ITFG2: variants seen among roughly 807,000 people sequenced by gnomAD.
The protein encoded by ITFG2 is KICSTOR complex protein ITFG2.
Under a neutral mutation model 54.4 loss-of-function variants are expected in ITFG2, and 36 were observed. The observed-to-expected ratio is 0.66, with a 90% confidence interval of 0.51 to 0.87. The LOEUF (loss-of-function observed/expected upper bound fraction) is 0.87. ITFG2 is among the 40% of genes least tolerant of loss of function. The pLI is 0.00. For missense variants in ITFG2, 524 were observed against 576.7 expected, an observed-to-expected ratio of 0.91 and a Z score of 0.94; for synonymous variants, 211 against 225.4, an observed-to-expected ratio of 0.94 and a Z score of 0.57.
downstream of ITFG2, chr12:2,825,163 G>A (rs1164735823): frequency 6.6e-6 from 1 of 152,160 alleles, no homozygotes; most frequent in East Asian, 1.9e-4. Context: ...TTCCTGCTGT[G>A]GTAAGCTGTG....
chr12:2,817,993 G>A (rs1293394345), intron 3 of ITFG2, 43 bp downstream of exon 3: 6 of 1,611,344 alleles, frequency 3.7e-6, no homozygotes, highest in Non-Finnish European at 4.2e-6. Flanking sequence ...AGCTCACAGT[G>A]GAAATCAGTT....
chr12:2,859,309 T>A, intron 3 of ITFG2: 1 of 1,612,900 alleles, frequency 6.2e-7, no homozygotes. Context: ...GACCGGCTCC[T>A]CTCCCTCCTC....
chr12:2,829,542 G>C (rs1351843756), downstream of ITFG2, among the ~76,000 whole-genome samples: 1 of 152,148 alleles, frequency 6.6e-6, no homozygotes, highest in East Asian at 1.9e-4. Context: ...GGGAGGCCAA[G>C]GTGGAAGGAT....
chr12:2,827,624 C>T (rs777825130), downstream of ITFG2: 6 of 1,614,062 alleles, frequency 3.7e-6, no homozygotes, highest in Non-Finnish European at 5.1e-6. The surrounding 1 kb of genome is among the most constrained non-coding windows in gnomAD (Gnocchi z 4.0). Context: ...GGGTGCCTTA[C>T]CTTGAGAGAA....
chr12:2,828,014 C>T (rs531569658), downstream of ITFG2: 96 of 1,614,160 alleles, frequency 5.9e-5, no homozygotes, highest in South Asian at 1.0e-3. Context: ...GGGCCAGGTC[C>T]CCAGCTGAGG....
chr12:2,832,558 C>A (rs1291276759), upstream of ITFG2, among the ~76,000 whole-genome samples: 1 of 151,692 alleles, frequency 6.6e-6, no homozygotes, highest in East Asian at 1.9e-4. Context: ...CAGGATGTAC[C>A]CTCTCCAGGA....
At chr12:2,830,663 C>A in intron 2 of ITFG2, 1 of 1,569,232 alleles carries the variant, frequency 6.4e-7, no homozygotes. Flanking sequence ...GAAGTGAGTG[C>A]AGGCAGGGTT....
intron 4 of ITFG2, 160 bp downstream of exon 4, chr12:2,818,437 A>T: frequency 7.0e-7 from 1 of 1,431,674 alleles, no homozygotes; most frequent in East Asian, 2.5e-5. Flanking sequence ...AAGGCACTGG[A>T]ATTGCCATAG....
chr12:2,859,292 T>G, intron 3 of ITFG2: 1 of 1,613,412 alleles, frequency 6.2e-7, no homozygotes, highest in Non-Finnish European at 8.5e-7. Context: ...GATGCTGTTT[T>G]CTCCGAGACC....
At chr12:2,849,225 G>A (rs898453529) in intron 2 of ITFG2, 1 of 1,532,540 alleles carries the variant, frequency 6.5e-7, no homozygotes, top group Admixed American at 2.0e-5. Context: ...CCCTCTGGAA[G>A]CCCTTCTAGA....
chr12:2,818,103 T>G lies in ITFG2; in HGVS notation c.235-3T>G. 6.2e-7 allele frequency: 1 copy of G among 1,614,028 alleles called. No individual in the cohort carries two copies. Among genetic ancestry groups the G allele is most frequent in the East Asian group, 2.2e-5 (1 of 44,862 alleles). On this transcript the variant is annotated splice_polypyrimidine_tract_variant and splice_region_variant and intron_variant, in intron 3 of 11. Transcript: ENST00000228799. The stretch of plus-strand genomic sequence containing the variant: ...ATCTCTACTATACCTCTGTTTGTCC[T>G]AGAACCTGTTGGTGGCAGTGAGTGC...
chr12:2,826,862 G>C, downstream of ITFG2: 1 of 502,576 alleles, frequency 2.0e-6, no homozygotes. Flanking sequence ...GATGGACAAG[G>C]ACAGCAGTCA....
chr12:2,819,479 AAAT>A lies in ITFG2; in HGVS notation c.407-606_407-604del, dbSNP rs2097934772. 2.6e-5 allele frequency among the ~76,000 whole-genome samples: 4 copies of A among 152,182 alleles called. No individual in the cohort carries two copies. The South Asian group carries it at 8.3e-4, about 32-fold the overall frequency. ...CGAGACTCCGTCTCAAAAAAAAAAA[AAAT>A]GAGCTGAGCGTGGTGGCATATGCCT... On this transcript the variant is annotated intron_variant, in intron 4 of 11. Transcript: ENST00000228799.
rs767294031 is a variant in ITFG2 at position 2,821,388 on chromosome 12, A to C, written c.793+29A>C. On this transcript the variant is annotated intron_variant, in intron 7 of 11. Coordinates refer to ENST00000228799, the MANE Select transcript of ITFG2 (RefSeq NM_018463.4). ...AAAGTGTGGTGGGTGTGAGGGAGGG[A>C]GATGAGGGGTAGCCGTCAGTTCTGG... 9 of 1,584,334 alleles carry C rather than the reference A, an allele frequency of 5.7e-6. No homozygotes were observed. The East Asian group carries it at 2.0e-4, about 36-fold the overall frequency.
rs1204600687 is a variant in ITFG2 at position 2,841,686 on chromosome 12, T to C, written n.300+691T>C. Reference sequence around the variant, plus strand: ...AAACCTGTGTGAAACATCTCATGAATTATTTTCTAATTGATTGCATTACTT... The same window carrying C: ...AAACCTGTGTGAAACATCTCATGAACTATTTTCTAATTGATTGCATTACTT... On this transcript the variant is annotated intron_variant and non_coding_transcript_variant, in intron 2 of 3. Coordinates refer to the ITFG2 transcript ENST00000537710. Among the ~76,000 whole-genome samples the C allele has an allele frequency of 2.0e-5, 3 of 152,224 alleles. No homozygotes were observed. In the East Asian group the frequency reaches 5.8e-4, roughly 29 times the overall value.
intron 1 of ITFG2, among the ~76,000 whole-genome samples, chr12:2,839,575 A>G (rs2098036172): frequency 6.6e-6 from 1 of 152,174 alleles, no homozygotes; most frequent in African/African-American, 2.4e-5. Context: ...TTTTTCATTC[A>G]GAAAAAAGTA....
At chr12:2,850,736 G>A (rs1393779145) in intron 2 of ITFG2, among the ~76,000 whole-genome samples, 4 of 151,384 alleles carry the variant, frequency 2.6e-5, no homozygotes, top group Admixed American at 6.6e-5. Context: ...GCAGTGGCAC[G>A]ATCTTGGCTC....
chr12:2,842,367 C>G (rs186218458), intron 2 of ITFG2, among the ~76,000 whole-genome samples: 1 of 150,626 alleles, frequency 6.6e-6, no homozygotes, highest in Non-Finnish European at 1.5e-5. Context: ...GTAATCCACC[C>G]GCCTCGGCCT....
rs749511053 is a variant in ITFG2, at chr12:2,820,107, T to C, written c.428T>C (p.Leu143Pro). 1 of 1,612,058 alleles carries C rather than the reference T, an allele frequency of 6.2e-7. No homozygotes were observed. Among genetic ancestry groups the C allele is most frequent in the East Asian group, 2.2e-5 (1 of 44,812 alleles). The change falls in exon 5 of 12, where the codon CTG becomes CCG. Residue 143 changes from leucine to proline, a missense_variant. Leu to Pro is a moderately conservative substitution (Grantham distance 98, BLOSUM62 -3). Coordinates refer to ENST00000228799, the MANE Select transcript of ITFG2 (RefSeq NM_018463.4). ...SDIDGDGCRE[L>P]VVGYTDRVVR... Reference sequence around the variant, plus strand: ...ACAGATGGAGATGGGTGTCGTGAGCTGGTGGTGGGCTACACAGACCGTGTG... The same window carrying C: ...ACAGATGGAGATGGGTGTCGTGAGCCGGTGGTGGGCTACACAGACCGTGTG...
Sources: gnomAD v4.1 joint callset for allele counts (sites outside exome capture counted in the v4.1 genomes callset) on GRCh38, gnomAD v4.1.1 for gene constraint, Gnocchi (gnomAD v3.1) non-coding constraint, MANE v1.5 for transcripts, NCBI Gene and HGNC (gene_info 2026-07-23, HGNC 2026-07-21) for gene names.